TP63: variants seen among roughly 807,000 people sequenced by gnomAD.
TP63 encodes the protein tumor protein p63, also known as tumor protein 63.
TP63 carries 17 observed loss-of-function variants against 82.8 expected under a neutral mutation model. That is an observed-to-expected ratio of 0.21 (90% CI 0.14 to 0.31). The LOEUF (loss-of-function observed/expected upper bound fraction) is 0.31. TP63 is among the 10% of genes least tolerant of loss of function. The pLI is 1.00. For synonymous variants in TP63, 330 were observed against 321.7 expected, an observed-to-expected ratio of 1.03 and a Z score of -0.28; for missense variants, 648 against 895.3, an observed-to-expected ratio of 0.72 and a Z score of 3.52.
At chr3:189,713,482 A>G (rs1308368744) in intron 1 of TP63, among the ~76,000 whole-genome samples, 2 of 152,146 alleles carry the variant, frequency 1.3e-5, no homozygotes, top group African/African-American at 4.8e-5. Context: ...CCAAACGTTT[A>G]GGGGGTAATC....
At chr3:189,800,131 T>C (rs996652716) in intron 3 of TP63, among the ~76,000 whole-genome samples, 2 of 152,136 alleles carry the variant, frequency 1.3e-5, no homozygotes, top group East Asian at 1.9e-4. Flanking sequence ...CAAAGAAGAC[T>C]TCTGGGAGAT....
At chr3:189,806,307 C>T (rs1042001835) in intron 3 of TP63, among the ~76,000 whole-genome samples, 1 of 151,998 alleles carries the variant, frequency 6.6e-6, no homozygotes, top group Non-Finnish European at 1.5e-5. Context: ...TTACTGCCTG[C>T]GAGAAAGTGC....
chr3:189,880,956 A>G, intron 10 of TP63: 2 of 985,418 alleles, frequency 2.0e-6, no homozygotes, highest in Non-Finnish European at 2.4e-6. Context: ...TTTGGCCCCC[A>G]TAGCAGGTGA....
chr3:189,785,958 G>A (rs1724569754), intron 3 of TP63, among the ~76,000 whole-genome samples: 1 of 151,940 alleles, frequency 6.6e-6, no homozygotes, highest in Admixed American at 6.6e-5. Context: ...GTACCTGCTA[G>A]TTCTGTATTC....
At chr3:189,803,297 T>G (rs1250971201) in intron 3 of TP63, among the ~76,000 whole-genome samples, 1 of 152,100 alleles carries the variant, frequency 6.6e-6, no homozygotes, top group African/African-American at 2.4e-5. Context: ...AAACTCCATC[T>G]CAAAGAAAAA....
At chr3:189,875,668 G>A (rs1719130483) in intron 10 of TP63, among the ~76,000 whole-genome samples, 1 of 129,068 alleles carries the variant, frequency 7.7e-6, no homozygotes, top group Non-Finnish European at 1.6e-5. Context: ...TAGTTTGATA[G>A]TCTGTCTTAT....
intron 1 of TP63, among the ~76,000 whole-genome samples, chr3:189,654,762 T>C (rs555987930): frequency 6.6e-6 from 1 of 152,358 alleles, no homozygotes; most frequent in African/African-American, 2.4e-5. Flanking sequence ...GAAATTTTTG[T>C]GTGTGCTGAG....
At chr3:189,773,470 T>C (rs952459981) in intron 3 of TP63, among the ~76,000 whole-genome samples, 3 of 152,200 alleles carry the variant, frequency 2.0e-5, no homozygotes, top group Non-Finnish European at 4.4e-5. Context: ...TCCATTAATT[T>C]TGTACACATC....
chr3:189,742,542 G>A (rs1721075728), intron 3 of TP63, among the ~76,000 whole-genome samples: 1 of 152,030 alleles, frequency 6.6e-6, no homozygotes, highest in African/African-American at 2.4e-5. Flanking sequence ...CCAGATATAT[G>A]TGAAGAGGCT....
the TP63 span, among the ~76,000 whole-genome samples, chr3:189,611,459 T>TGA: frequency 5.9e-5 from 9 of 152,342 alleles, no homozygotes; most frequent in Middle Eastern, 3.4e-3. Flanking sequence ...GTCATAGATG[T>TGA]GAGGCCTTAT....
chr3:189,856,707 A>G (rs574517309), intron 4 of TP63, among the ~76,000 whole-genome samples: 1 of 152,202 alleles, frequency 6.6e-6, no homozygotes, highest in Non-Finnish European at 1.5e-5. Flanking sequence ...TTAGGTATAA[A>G]TACATGACAT....
chr3:189,789,584 T>TGGA, intron 3 of TP63: 1 of 1,137,802 alleles, frequency 8.8e-7, no homozygotes, highest in Non-Finnish European at 1.1e-6. Context: ...GTTGATGGAT[T>TGGA]GGACAGGTAA....
intron 1 of TP63, among the ~76,000 whole-genome samples, chr3:189,700,391 G>C (rs964882372): frequency 2.6e-5 from 4 of 152,164 alleles, no homozygotes; most frequent in African/African-American, 9.7e-5. Context: ...AGTGTTTGCT[G>C]TTTCCATGTA....
At chr3:189,682,553 A>ATAT (rs1322646970) in intron 1 of TP63, among the ~76,000 whole-genome samples, 5 of 10,352 alleles carry the variant, frequency 4.8e-4, no homozygotes, top group African/African-American at 1.1e-3. Flanking sequence ...AAAAAAAAAA[A>ATAT]ATATATATAT....
chr3:189,797,232 A>T (rs1725800393), intron 3 of TP63, among the ~76,000 whole-genome samples: 4 of 152,054 alleles, frequency 2.6e-5, no homozygotes, highest in African/African-American at 9.7e-5. Context: ...AAATTTATGA[A>T]ACACTCTTGT....
chr3:189,853,662 C>A (rs1366179338), intron 4 of TP63, among the ~76,000 whole-genome samples: 1 of 152,166 alleles, frequency 6.6e-6, no homozygotes, highest in Non-Finnish European at 1.5e-5. Flanking sequence ...TTTGAATTTA[C>A]CCTGATTTAC....
At chr3:189,718,214 A>G (rs1317656209) in intron 1 of TP63, among the ~76,000 whole-genome samples, 2 of 152,094 alleles carry the variant, frequency 1.3e-5, no homozygotes, top group African/African-American at 4.8e-5. Context: ...CTGGGATAGG[A>G]GTGATCTTGT....
chr3:189,774,920 T>C (rs1484707355), intron 3 of TP63, among the ~76,000 whole-genome samples: 1 of 152,050 alleles, frequency 6.6e-6, no homozygotes, highest in African/African-American at 2.4e-5. Flanking sequence ...TCTTTTCCCA[T>C]AGAAAGGAAA....
At chr3:189,677,358 TTATA>T (rs1295740099) in intron 1 of TP63, among the ~76,000 whole-genome samples, 1 of 146,540 alleles carries the variant, frequency 6.8e-6, no homozygotes, top group African/African-American at 2.5e-5. Context: ...ATATAAATAA[TTATA>T]TATTTATATG....
Sources: gnomAD v4.1 joint callset for allele counts (sites outside exome capture counted in the v4.1 genomes callset) on GRCh38, gnomAD v4.1.1 for gene constraint, MANE v1.5 for transcripts, NCBI Gene and HGNC (gene_info 2026-07-23, HGNC 2026-07-21) for gene names.